The following MATCAP1 variants were observed in gnomAD, a reference collection of about 807,000 sequenced individuals.
The protein encoded by MATCAP1 is microtubule associated tyrosine carboxypeptidase 1.
At chr16:67,179,373 C>A in the MATCAP1 span, 145 of 1,549,164 alleles carry the variant, frequency 9.4e-5, no homozygotes, top group Non-Finnish European at 1.2e-4. This position sits in a 1 kb window ranked among gnomAD's most constrained non-coding sequence, Gnocchi z 5.2. Flanking sequence ...TCCCACCCCT[C>A]CCAGCTCCCA....
the MATCAP1 span, among the ~76,000 whole-genome samples, chr16:67,181,068 G>A: frequency 2.6e-5 from 4 of 152,294 alleles, no homozygotes; most frequent in Non-Finnish European, 4.4e-5. Flanking sequence ...GGTGGTTACT[G>A]GAATCCTCTC....
chr16:67,183,840 T>G, the MATCAP1 span: 1 of 172,214 alleles, frequency 5.8e-6, no homozygotes, highest in Non-Finnish European at 1.2e-5. Flanking sequence ...TCCCGGCCTT[T>G]GGGGGGGTCC....
chr16:67,182,122 G>A, the MATCAP1 span, among the ~76,000 whole-genome samples: 1 of 152,176 alleles, frequency 6.6e-6, no homozygotes, highest in Non-Finnish European at 1.5e-5. Context: ...GGTGGCACAT[G>A]CCTGTAACCC....
chr16:67,177,994 G>A, the MATCAP1 span: 3 of 1,609,134 alleles, frequency 1.9e-6, no homozygotes, highest in Non-Finnish European at 2.6e-6. Flanking sequence ...ACCTCTGAAG[G>A]TCCACAGCCC....
At chr16:67,180,597 G>C in the MATCAP1 span, 1 of 1,519,828 alleles carries the variant, frequency 6.6e-7, no homozygotes, top group Non-Finnish European at 8.8e-7. Context: ...CTGAGCCCCT[G>C]AGTCCAGCAC....
chr16:67,182,163 C>T, the MATCAP1 span, among the ~76,000 whole-genome samples: 1 of 151,576 alleles, frequency 6.6e-6, no homozygotes, highest in East Asian at 1.9e-4. Context: ...GTAGGAGAAT[C>T]GCTTGAACCC....
the MATCAP1 span, chr16:67,178,032 G>T: frequency 6.2e-7 from 1 of 1,614,196 alleles, no homozygotes; most frequent in Non-Finnish European, 8.5e-7. Flanking sequence ...GGTCAGCAAC[G>T]GGAAATCGAT....
the MATCAP1 span, chr16:67,176,432 A>G: frequency 5.9e-6 from 1 of 168,318 alleles, no homozygotes; most frequent in Non-Finnish European, 1.3e-5. The surrounding 1 kb of genome is among the most constrained non-coding windows in gnomAD (Gnocchi z 4.3). Context: ...GGGCCAGGTA[A>G]GGGAAGGGAG....
chr16:67,179,763 A>G, the MATCAP1 span: 2 of 1,608,324 alleles, frequency 1.2e-6, no homozygotes, highest in Non-Finnish European at 8.5e-7. This position sits in a 1 kb window ranked among gnomAD's most constrained non-coding sequence, Gnocchi z 5.2. Context: ...GACCGCCCAC[A>G]AGACACCCTG....
the MATCAP1 span, among the ~76,000 whole-genome samples, chr16:67,181,350 A>G: frequency 1.3e-5 from 2 of 152,206 alleles, no homozygotes; most frequent in East Asian, 3.8e-4. Flanking sequence ...ACCCCCCAGA[A>G]TGCCCTCTCT....
the MATCAP1 span, chr16:67,177,926 G>T: frequency 8.2e-7 from 1 of 1,221,480 alleles, no homozygotes; most frequent in Non-Finnish European, 1.2e-6. Context: ...CCCAGCCCTC[G>T]GTCTAGCACC....
At chr16:67,177,408 G>A in the MATCAP1 span, among the ~76,000 whole-genome samples, 1 of 152,164 alleles carries the variant, frequency 6.6e-6, no homozygotes. Flanking sequence ...CATCAGGGTA[G>A]CCGCTGAGTT....
chr16:67,182,237 G>A, the MATCAP1 span, among the ~76,000 whole-genome samples: 6,317 of 122,918 alleles, frequency 0.051, 413 homozygotes, highest in African/African-American at 0.17. Flanking sequence ...CAACAACAGC[G>A]AAACTCCATC....
At chr16:67,180,794 T>C in the MATCAP1 span, 4 of 432,652 alleles carry the variant, frequency 9.2e-6, no homozygotes, top group Non-Finnish European at 1.6e-5. Context: ...AGGGGTCTGA[T>C]TGGCTGCAGC....
At chr16:67,176,900 C>T in the MATCAP1 span, 4 of 1,609,744 alleles carry the variant, frequency 2.5e-6, no homozygotes, top group Non-Finnish European at 3.4e-6. This position sits in a 1 kb window ranked among gnomAD's most constrained non-coding sequence, Gnocchi z 4.3. Flanking sequence ...CGTGCCAAGT[C>T]CTGCATGAAG....
At chr16:67,176,173 C>A in the MATCAP1 span, 1 of 154,002 alleles carries the variant, frequency 6.5e-6, no homozygotes. This position sits in a 1 kb window ranked among gnomAD's most constrained non-coding sequence, Gnocchi z 4.3. Context: ...GTGTCCTGTC[C>A]AACCCCCCGC....
the MATCAP1 span, chr16:67,178,803 A>G: frequency 6.2e-6 from 4 of 648,912 alleles, no homozygotes; most frequent in Non-Finnish European, 1.1e-5. Context: ...CCAAACTGAC[A>G]TTGCCCCCAG....
chr16:67,178,605 C>T, the MATCAP1 span: 4 of 1,034,952 alleles, frequency 3.9e-6, no homozygotes, highest in African/African-American at 3.2e-5. Context: ...GCTCTGGCCG[C>T]GACACTTCCA....
the MATCAP1 span, chr16:67,179,939 G>A: frequency 1.2e-6 from 2 of 1,614,240 alleles, no homozygotes; most frequent in Non-Finnish European, 1.7e-6. This position sits in a 1 kb window ranked among gnomAD's most constrained non-coding sequence, Gnocchi z 5.2. Flanking sequence ...CTCCAGAACA[G>A]CCTCAATGAT....
Sources: allele counts gnomAD v4.1 joint callset (sites outside exome capture counted in the v4.1 genomes callset), GRCh38; gene constraint gnomAD v4.1.1; non-coding constraint Gnocchi (gnomAD v3.1); transcripts MANE v1.5; gene names NCBI Gene and HGNC (gene_info 2026-07-23, HGNC 2026-07-21).